The following PRKG1 variants were observed in gnomAD, a reference collection of about 807,000 sequenced individuals.
PRKG1 encodes cGMP-dependent protein kinase 1.
PRKG1 carries 35 observed loss-of-function variants against 88.1 expected under a neutral mutation model. The observed-to-expected ratio is 0.40, with a 90% CI of 0.30 to 0.53. PRKG1 has a LOEUF of 0.53. Ranked by LOEUF, PRKG1 falls within the 20% of genes least tolerant of loss-of-function variation. The pLI, the probability that PRKG1 is intolerant of heterozygous loss-of-function variation, is 0.59. For synonymous variants in PRKG1, 303 were observed against 292.5 expected (o/e 1.04, Z -0.37); for missense variants, 540 against 839.8 (o/e 0.64, Z 4.41).
At chr10:52,132,521 G>A (rs762951921) in intron 7 of PRKG1, among the ~76,000 whole-genome samples, 3 of 151,908 alleles carry the variant, frequency 2.0e-5, no homozygotes, top group African/African-American at 2.4e-5. Context: ...AATAGAGTTC[G>A]GAAATATATT....
intron 4 of PRKG1, among the ~76,000 whole-genome samples, chr10:51,830,578 T>C (rs1298154724): frequency 6.9e-6 from 1 of 145,238 alleles, no homozygotes; most frequent in East Asian, 2.0e-4. Context: ...TTTTTTTTTT[T>C]TGAGTCACAG....
rs147588176 is a variant in PRKG1 at position 52,190,745 on chromosome 10, G to C, written c.1076+28782G>C. The stretch of plus-strand genomic sequence containing the variant: ...TGCATAAGATACTTTTGTAAACCTT[G>C]TTATTATGAAAATTGTCAAGCAGAG... On this transcript the variant is annotated intron_variant, in intron 9 of 17. Transcript: ENST00000373980. 4.8e-3 allele frequency among the ~76,000 whole-genome samples: 724 copies of C among 152,120 alleles called. 3 individuals carry two copies. Among genetic ancestry groups the C allele is most frequent in the African/African-American group, 0.017 (694 of 41,488 alleles).
intron 7 of PRKG1, among the ~76,000 whole-genome samples, chr10:52,111,288 A>G (rs1564473403): frequency 1.3e-5 from 2 of 152,242 alleles, no homozygotes; most frequent in Non-Finnish European, 2.9e-5. Context: ...TGTACAGCAC[A>G]TGGCACAGTG....
At chr10:51,910,093 G>C (rs1012840998) in intron 5 of PRKG1, 1 of 152,184 alleles carries the variant, frequency 6.6e-6, no homozygotes, top group African/African-American at 2.4e-5. Context: ...AAGTATGATT[G>C]CTAGGCATCA....
chr10:51,075,972 T>C (rs12355844), intron 1 of PRKG1, among the ~76,000 whole-genome samples: 74,202 of 152,078 alleles, frequency 0.49, 20,347 homozygotes, highest in East Asian at 0.68. Context: ...ACTCTACTAC[T>C]AACGAAATCA....
intron 14 of PRKG1, among the ~76,000 whole-genome samples, chr10:52,286,672 T>C (rs1357206144): frequency 6.6e-6 from 1 of 151,944 alleles, no homozygotes; most frequent in Non-Finnish European, 1.5e-5. Context: ...TTAGTAATCT[T>C]ACATATATTT....
chr10:51,951,988 C>G (rs559063609), intron 5 of PRKG1, among the ~76,000 whole-genome samples: 1 of 152,132 alleles, frequency 6.6e-6, no homozygotes, highest in South Asian at 2.1e-4. Flanking sequence ...GTTATTGGAA[C>G]CTTGCCATAC....
chr10:51,525,710 G>GAA, intron 3 of PRKG1, among the ~76,000 whole-genome samples: 1 of 150,534 alleles, frequency 6.6e-6, no homozygotes, highest in South Asian at 2.1e-4. Flanking sequence ...AAAATAAAAA[G>GAA]AAAAAAAAGA....
At chr10:52,149,832 T>C (rs1159141691) in intron 8 of PRKG1, among the ~76,000 whole-genome samples, 2 of 152,116 alleles carry the variant, frequency 1.3e-5, no homozygotes, top group African/African-American at 4.8e-5. Context: ...AGGTGACCTA[T>C]TGAAATAAAA....
At chr10:51,771,691 G>T (rs2132546600) in intron 3 of PRKG1, among the ~76,000 whole-genome samples, 1 of 152,216 alleles carries the variant, frequency 6.6e-6, no homozygotes, top group Non-Finnish European at 1.5e-5. Flanking sequence ...TAAAGAATGG[G>T]TGTATAGGGC....
At chr10:51,737,768 A>ATTC (rs1837327081) in intron 3 of PRKG1, among the ~76,000 whole-genome samples, 1 of 127,442 alleles carries the variant, frequency 7.8e-6, no homozygotes, top group Non-Finnish European at 1.7e-5. Context: ...TATTATTATT[A>ATTC]TTATTATTTT....
intron 3 of PRKG1, among the ~76,000 whole-genome samples, chr10:51,782,465 A>G (rs2132565449): frequency 6.6e-6 from 1 of 152,252 alleles, no homozygotes; most frequent in South Asian, 2.1e-4. Context: ...CTACTAGTCT[A>G]ATATTACAGA....
At chr10:51,082,570 A>T (rs1321854164) in intron 1 of PRKG1, among the ~76,000 whole-genome samples, 1 of 152,148 alleles carries the variant, frequency 6.6e-6, no homozygotes, top group Non-Finnish European at 1.5e-5. Flanking sequence ...CTCTAATAGG[A>T]AGATGACAAG....
intron 2 of PRKG1, among the ~76,000 whole-genome samples, chr10:51,412,207 G>GAGAA (rs1564483213): frequency 1.3e-4 from 17 of 127,112 alleles, no homozygotes. Flanking sequence ...GAGAGAGAGA[G>GAGAA]AGAGAGAAAG....
intron 7 of PRKG1, among the ~76,000 whole-genome samples, chr10:52,087,275 AT>A (rs1190577621): frequency 6.6e-6 from 1 of 152,120 alleles, no homozygotes; most frequent in Non-Finnish European, 1.5e-5. Flanking sequence ...TTCAATTTTT[AT>A]TTTTAATTGT....
At chr10:52,142,686 TG>T in intron 8 of PRKG1, among the ~76,000 whole-genome samples, 1 of 152,194 alleles carries the variant, frequency 6.6e-6, no homozygotes, top group Non-Finnish European at 1.5e-5. Flanking sequence ...AGAATTTAAA[TG>T]ACAATTTTAT....
intron 2 of PRKG1, among the ~76,000 whole-genome samples, chr10:51,172,998 C>A (rs1416435032): frequency 1.3e-5 from 2 of 151,976 alleles, no homozygotes; most frequent in Non-Finnish European, 2.9e-5. Context: ...GCATTTGAAT[C>A]TTACTTGAAT....
chr10:51,940,588 T>C lies in PRKG1; in HGVS notation c.762+33018T>C, dbSNP rs148241089. 2.5e-3 allele frequency among the ~76,000 whole-genome samples: 380 copies of C among 152,010 alleles called. 6 individuals are homozygous for C. Among genetic ancestry groups the C allele is most frequent in the Non-Finnish European group, 2.8e-3 (192 of 67,984 alleles). On this transcript the variant is annotated intron_variant, in intron 5 of 17. Transcript: ENST00000373980. Reference sequence around the variant, plus strand: ...CCTCTCATGTAGTGTCAGCCAGGGATATTTTTCACCAAAGCTGAGTGGGAT... The same window carrying C: ...CCTCTCATGTAGTGTCAGCCAGGGACATTTTTCACCAAAGCTGAGTGGGAT...
chr10:51,785,996 T>G (rs750501328), intron 3 of PRKG1, among the ~76,000 whole-genome samples: 2 of 152,174 alleles, frequency 1.3e-5, no homozygotes, highest in African/African-American at 2.4e-5. Context: ...TTTCAGAGTT[T>G]GCTGCATCTT....
Sources: gnomAD v4.1 joint callset for allele counts (sites outside exome capture counted in the v4.1 genomes callset) on GRCh38, gnomAD v4.1.1 for gene constraint, MANE v1.5 for transcripts, NCBI Gene and HGNC (gene_info 2026-07-23, HGNC 2026-07-21) for gene names.